TBC1D19: variants seen among roughly 807,000 people sequenced by gnomAD.
TBC1D19 encodes TBC1 domain family, member 19.
TBC1D19 carries 60 observed loss-of-function variants against 89.0 expected under a neutral mutation model. The observed-to-expected ratio is 0.67, with a 90% CI of 0.55 to 0.84. The LOEUF is 0.84. Among genes scored for constraint, TBC1D19 ranks in the 40% least tolerant of loss-of-function variants. The probability of loss-of-function intolerance (pLI) is 0.00; values close to 1 mark genes in which losing one functional copy is unlikely to be tolerated. For synonymous variants in TBC1D19, 189 were observed against 199.7 expected, an observed-to-expected ratio of 0.95 and a Z score of 0.45; for missense variants, 500 against 610.8, an observed-to-expected ratio of 0.82 and a Z score of 1.91.
intron 11 of TBC1D19, among the ~76,000 whole-genome samples, chr4:26,678,562 A>T (rs942137477): frequency 6.6e-6 from 1 of 152,050 alleles, no homozygotes; most frequent in Non-Finnish European, 1.5e-5. Flanking sequence ...GACATAGACA[A>T]ATGGAGTGAG....
intron 13 of TBC1D19, among the ~76,000 whole-genome samples, chr4:26,712,064 G>A (rs552704878): frequency 1.2e-4 from 19 of 152,126 alleles, no homozygotes; most frequent in East Asian, 3.9e-4. Flanking sequence ...GTGCTTCTAC[G>A]AGTCTGCTAA....
At chr4:26,776,788 T>C in the TBC1D19 span, among the ~76,000 whole-genome samples, 1,924 of 152,270 alleles carry the variant, frequency 0.013, 33 homozygotes, top group African/African-American at 0.043. Flanking sequence ...ATTCTGTTTT[T>C]CTCTGGCTTA....
chr4:26,658,010 A>C (rs1276982357), intron 7 of TBC1D19, among the ~76,000 whole-genome samples: 1 of 152,184 alleles, frequency 6.6e-6, no homozygotes, highest in African/African-American at 2.4e-5. Flanking sequence ...GATAGATTGC[A>C]AAATTTTTCT....
intron 13 of TBC1D19, among the ~76,000 whole-genome samples, chr4:26,711,715 A>G (rs1321010934): frequency 1.3e-5 from 2 of 152,052 alleles, no homozygotes; most frequent in African/African-American, 4.8e-5. Context: ...TTGGTAATTA[A>G]TCCAGGTTAG....
intron 13 of TBC1D19, among the ~76,000 whole-genome samples, chr4:26,694,423 C>T (rs914989519): frequency 3.9e-5 from 6 of 152,226 alleles, no homozygotes; most frequent in Non-Finnish European, 7.3e-5. Context: ...TGGAGCGCAC[C>T]TCAGCTCAAG....
At chr4:26,734,118 A>G (rs1034374016) in intron 15 of TBC1D19, among the ~76,000 whole-genome samples, 2 of 152,222 alleles carry the variant, frequency 1.3e-5, no homozygotes, top group African/African-American at 4.8e-5. Context: ...TGTAGTCAGA[A>G]CTAAGAATAC....
chr4:26,805,487 C>T, the TBC1D19 span, among the ~76,000 whole-genome samples: 7 of 152,280 alleles, frequency 4.6e-5, no homozygotes, highest in African/African-American at 1.7e-4. Context: ...TTCCTCAGGC[C>T]GTGCCTCTTG....
intron 9 of TBC1D19, 121 bp downstream of exon 9, chr4:26,666,526 C>T: frequency 1.4e-6 from 1 of 708,772 alleles, no homozygotes; most frequent in Non-Finnish European, 2.3e-6. Flanking sequence ...ATGCTTTTGC[C>T]TCTCCTTGGT....
chr4:26,847,782 C>T, the TBC1D19 span, among the ~76,000 whole-genome samples: 2 of 152,110 alleles, frequency 1.3e-5, no homozygotes, highest in Non-Finnish European at 2.9e-5. Context: ...TTTGCTTGTA[C>T]CAGAGTGGTA....
chr4:26,811,425 C>T, the TBC1D19 span, among the ~76,000 whole-genome samples: 1 of 152,158 alleles, frequency 6.6e-6, no homozygotes, highest in African/African-American at 2.4e-5. Context: ...AAGAAGTGAG[C>T]ATTGACTTTG....
chr4:26,617,354 A>G (rs1272484543), intron 3 of TBC1D19, among the ~76,000 whole-genome samples: 2 of 152,262 alleles, frequency 1.3e-5, no homozygotes, highest in Non-Finnish European at 1.5e-5. Context: ...CATTCAAACC[A>G]TGGCAGAAAC....
intron 7 of TBC1D19, among the ~76,000 whole-genome samples, chr4:26,653,529 A>G (rs966933383): frequency 1.3e-5 from 2 of 152,134 alleles, no homozygotes; most frequent in African/African-American, 4.8e-5. Flanking sequence ...TAGGTGTCTC[A>G]GGACTTGCTT....
chr4:26,632,658 A>G (rs1482288433), intron 4 of TBC1D19, among the ~76,000 whole-genome samples: 1 of 151,520 alleles, frequency 6.6e-6, no homozygotes, highest in Non-Finnish European at 1.5e-5. Context: ...ATACATTGTA[A>G]CTCCCACCTG....
Position 26,707,465 on chromosome 4 carries a change from T to C in TBC1D19, c.955-10468T>C, listed in dbSNP as rs1328752396. Among the ~76,000 whole-genome samples, 3 of 152,194 alleles carry C rather than the reference T, an allele frequency of 2.0e-5. No individual in the cohort carries two copies. The East Asian group carries it at 5.8e-4, about 29-fold the overall frequency. ...ATCTCTTATAGATCACATGTAGTTT[T>C]GTCTTTTTAAATTTATTCTGCCAAC... On this transcript the variant is annotated intron_variant, in intron 13 of 20. Transcript: ENST00000264866.
chr4:26,775,441 G>A, the TBC1D19 span, among the ~76,000 whole-genome samples: 21 of 152,314 alleles, frequency 1.4e-4, no homozygotes, highest in East Asian at 3.3e-3. Context: ...GCAACAGAGC[G>A]AGACTCTGTC....
the TBC1D19 span, among the ~76,000 whole-genome samples, chr4:26,847,278 G>T: frequency 6.6e-6 from 1 of 152,154 alleles, no homozygotes; most frequent in African/African-American, 2.4e-5. Context: ...AGTGATAAGG[G>T]CTATGGAGAA....
intron 4 of TBC1D19, among the ~76,000 whole-genome samples, chr4:26,629,745 C>A (rs1028029448): frequency 6.6e-6 from 1 of 151,770 alleles, no homozygotes; most frequent in African/African-American, 2.4e-5. Context: ...CAAAAATGTC[C>A]ATTTTTGAAG....
intron 1 of TBC1D19, among the ~76,000 whole-genome samples, chr4:26,606,589 G>T (rs183512053): frequency 9.8e-5 from 15 of 152,288 alleles, no homozygotes; most frequent in Admixed American, 9.8e-4. Context: ...GAGTAAGGTA[G>T]GGATGTAGAC....
intron 18 of TBC1D19, 140 bp from the exon 19 acceptor site, chr4:26,748,271 T>C: frequency 1.6e-6 from 1 of 620,712 alleles, no homozygotes. Flanking sequence ...CTCTTGCAGC[T>C]TTCAAGAAAG....
Sources: allele counts gnomAD v4.1 joint callset (sites outside exome capture counted in the v4.1 genomes callset), GRCh38; gene constraint gnomAD v4.1.1; transcripts MANE v1.5; gene names NCBI Gene and HGNC (gene_info 2026-07-23, HGNC 2026-07-21).